AGBL1: variants seen among roughly 807,000 people sequenced by gnomAD.
The protein encoded by AGBL1 is AGBL carboxypeptidase 1, also known as cytosolic carboxypeptidase 4.
Under a neutral mutation model 118.9 loss-of-function variants are expected in AGBL1, and 130 were observed. The observed-to-expected ratio is 1.09, with a 90% confidence interval of 0.95 to 1.26. AGBL1 has a LOEUF of 1.26. Ranked by LOEUF, AGBL1 falls within the 50% of genes most tolerant of loss-of-function variation. The pLI, the probability that AGBL1 is intolerant of heterozygous loss-of-function variation, is 0.00. For synonymous variants in AGBL1, 555 were observed against 478.9 expected (o/e 1.16, Z -2.08); for missense variants, 1,584 against 1,298.1 (o/e 1.22, Z -3.38).
chr15:86,975,313 G>A (rs1489433923), intron 23 of AGBL1, among the ~76,000 whole-genome samples: 1 of 152,020 alleles, frequency 6.6e-6, no homozygotes, highest in African/African-American at 2.4e-5. Context: ...TTACGTGGTG[G>A]CAGGCAAGAG....
At chr15:86,171,685 A>T (rs1046611363) in intron 5 of AGBL1, among the ~76,000 whole-genome samples, 1 of 152,182 alleles carries the variant, frequency 6.6e-6, no homozygotes, top group Non-Finnish European at 1.5e-5. Flanking sequence ...TCAATGTTGC[A>T]TACTCTATGT....
intron 21 of AGBL1, among the ~76,000 whole-genome samples, chr15:86,636,642 G>A (rs1376012050): frequency 7.5e-6 from 1 of 133,348 alleles, no homozygotes; most frequent in Non-Finnish European, 1.6e-5. Flanking sequence ...CTGAATCACT[G>A]TGAGTCAGAA....
At chr15:86,669,067 G>T (rs544248994) in intron 21 of AGBL1, among the ~76,000 whole-genome samples, 1 of 151,938 alleles carries the variant, frequency 6.6e-6, no homozygotes, top group Non-Finnish European at 1.5e-5. Context: ...AGAAAAGAGC[G>T]CTAACACCAA....
intron 17 of AGBL1, among the ~76,000 whole-genome samples, chr15:86,391,106 G>A (rs938459784): frequency 4.0e-5 from 6 of 151,134 alleles, no homozygotes; most frequent in African/African-American, 7.3e-5. Context: ...GGAGAATATC[G>A]GAGATGACAA....
rs141404837 is a variant in AGBL1 at position 86,474,610 on chromosome 15, A to G, written c.2556-48200A>G. The stretch of plus-strand genomic sequence containing the variant: ...AACTGGGTGGAGCCCACTGCAGCTC[A>G]AGGAGGCCTGCCTGCGTCTGTAGGC... On this transcript the variant is annotated intron_variant, in intron 18 of 22. Coordinates refer to ENST00000614907, the MANE Select transcript of AGBL1 (RefSeq NM_001386094.1). 2.0e-3 allele frequency among the ~76,000 whole-genome samples: 303 copies of G among 152,330 alleles called. 1 individual carries two copies. Among genetic ancestry groups the G allele is most frequent in the African/African-American group, 6.9e-3 (288 of 41,578 alleles).
At chr15:86,216,005 T>G (rs751874003) in intron 5 of AGBL1, among the ~76,000 whole-genome samples, 1 of 152,228 alleles carries the variant, frequency 6.6e-6, no homozygotes, top group East Asian at 1.9e-4. Context: ...TTGTACTCTT[T>G]TTGCTGCTAA....
rs763181232 is a variant in AGBL1, at chr15:86,969,232, TC to T, written c.3222-18753del. On this transcript the variant is annotated intron_variant, in intron 23 of 24. Coordinates refer to the AGBL1 transcript ENST00000441037. ...AACTCATTCTGAGAGCAAATTCTGC[TC>T]CAGCTGTGGGCCAGTGAAATCAAAC... Among the ~76,000 whole-genome samples the T allele has an allele frequency of 1.9e-3, 289 of 152,044 alleles. 7 individuals carry two copies. The highest frequency in any genetic ancestry group is 7.4e-4 in the Non-Finnish European group (50 of 67,924).
In AGBL1 at chr15:86,554,452, G is replaced by A. The variant is rs1276603314; in HGVS notation, c.2909G>A (p.Arg970Gln). Residue 970 changes from arginine (R) to glutamine (Q), a missense_variant, in exon 21 of 23, where the codon CGG becomes CAG. By Grantham distance (43) the Arg-to-Gln change is conservative. Transcript: ENST00000614907. ...LVEKSRASTA[R>Q]VVVWREMGVS... ...GAGAAATCTCGAGCTTCCACGGCCC[G>A]GGTGGTGGTGTGGAGAGAGATGGGG... 1.7e-5 allele frequency: 27 copies of A among 1,588,402 alleles called. No homozygotes were observed. Among genetic ancestry groups the A allele is most frequent in the Admixed American group, 3.6e-5 (2 of 55,822 alleles).
intron 5 of AGBL1, among the ~76,000 whole-genome samples, chr15:86,197,377 C>T (rs1362586757): frequency 4.6e-5 from 7 of 152,148 alleles, no homozygotes; most frequent in Non-Finnish European, 8.8e-5. Flanking sequence ...GTAAGGACAT[C>T]AAAAGCCATT....
At chr15:86,542,204 G>T (rs757314875) in intron 19 of AGBL1, among the ~76,000 whole-genome samples, 8 of 152,114 alleles carry the variant, frequency 5.3e-5, no homozygotes, top group African/African-American at 1.2e-4. Context: ...CTAGGAGATA[G>T]AAATGTATAC....
At chr15:86,336,723 G>C (rs71399823) in intron 17 of AGBL1, among the ~76,000 whole-genome samples, 4 of 152,160 alleles carry the variant, frequency 2.6e-5, no homozygotes, top group African/African-American at 9.7e-5. Context: ...TTTGCTTATG[G>C]ACACAAACCT....
intron 19 of AGBL1, among the ~76,000 whole-genome samples, chr15:86,535,322 A>G (rs2083410556): frequency 6.6e-6 from 1 of 152,224 alleles, no homozygotes; most frequent in Non-Finnish European, 1.5e-5. Context: ...TCTAAAAGCC[A>G]AGAGGCTCAT....
chr15:86,954,471 T>C (rs971415857), intron 23 of AGBL1, among the ~76,000 whole-genome samples: 1 of 152,176 alleles, frequency 6.6e-6, no homozygotes, highest in Admixed American at 6.6e-5. Context: ...TGTGCAGCTA[T>C]AGAAAGATTG....
rs145520465 is a variant in AGBL1 at position 86,156,442 on chromosome 15, C to T, written c.394+1881C>T. On this transcript the variant is annotated intron_variant, in intron 4 of 22. Transcript: ENST00000614907. ...AGACTAGGACCCACCTTAATGGCCT[C>T]ATTTTAAGTTCCCTCTCTAAAGGCC... Among the ~76,000 whole-genome samples the T allele has an allele frequency of 8.2e-3, 1,254 of 152,264 alleles. 21 individuals carry two copies. Among genetic ancestry groups the T allele is most frequent in the African/African-American group, 0.029 (1,209 of 41,536 alleles).
intron 24 of AGBL1, among the ~76,000 whole-genome samples, chr15:87,023,279 T>A (rs1293623076): frequency 1.3e-5 from 2 of 151,384 alleles, no homozygotes; most frequent in Non-Finnish European, 2.9e-5. Context: ...GTGAAAGGGG[T>A]GAAAAAAGAG....
chr15:86,488,546 G>A (rs947254875), intron 18 of AGBL1, among the ~76,000 whole-genome samples: 2 of 151,924 alleles, frequency 1.3e-5, no homozygotes, highest in African/African-American at 4.8e-5. Flanking sequence ...GGTCACAAAG[G>A]CAGCCCTCCA....
At chr15:86,627,142 A>G (rs2084900990) in intron 21 of AGBL1, among the ~76,000 whole-genome samples, 1 of 152,122 alleles carries the variant, frequency 6.6e-6, no homozygotes, top group South Asian at 2.1e-4. Flanking sequence ...CTGGGATTAC[A>G]GGCATGCGCC....
intron 21 of AGBL1, among the ~76,000 whole-genome samples, chr15:86,558,016 C>T (rs2083759253): frequency 6.6e-6 from 1 of 152,048 alleles, no homozygotes; most frequent in South Asian, 2.1e-4. Context: ...CACAAGAATG[C>T]AGGGCTGAGA....
intron 24 of AGBL1, among the ~76,000 whole-genome samples, chr15:87,012,864 G>A (rs2081575194): frequency 6.6e-6 from 1 of 152,084 alleles, no homozygotes; most frequent in Non-Finnish European, 1.5e-5. Context: ...GCCCTTGAGG[G>A]CATCTCAAAA....
Sources: gnomAD v4.1 joint callset for allele counts (sites outside exome capture counted in the v4.1 genomes callset) on GRCh38, gnomAD v4.1.1 for gene constraint, MANE v1.5 for transcripts, NCBI Gene and HGNC (gene_info 2026-07-23, HGNC 2026-07-21) for gene names.